Variants in ZDHHC14 observed in about 807,000 individuals in gnomAD.
The protein encoded by ZDHHC14 is palmitoyltransferase ZDHHC14.
In ZDHHC14, 16 loss-of-function variants were observed where a neutral mutation model predicts 47.7. The ratio of observed to expected loss-of-function variants is 0.34; its 90% CI spans 0.23 to 0.51. ZDHHC14 has a LOEUF of 0.51. ZDHHC14 is among the 20% of genes least tolerant of loss of function. ZDHHC14 has a pLI of 0.97. For synonymous variants in ZDHHC14, 293 were observed against 278.9 expected, an observed-to-expected ratio of 1.05 and a Z score of -0.50; for missense variants, 515 against 662.5, an observed-to-expected ratio of 0.78 and a Z score of 2.44.
At chr6:157,654,969 A>G (rs1778019438) in intron 8 of ZDHHC14, among the ~76,000 whole-genome samples, 1 of 152,112 alleles carries the variant, frequency 6.6e-6, no homozygotes, top group African/African-American at 2.4e-5. Context: ...TCCTGACCTC[A>G]GGTGATCCAC....
At chr6:157,518,460 G>A (rs1780782168) in intron 1 of ZDHHC14, among the ~76,000 whole-genome samples, 1 of 152,166 alleles carries the variant, frequency 6.6e-6, no homozygotes, top group African/African-American at 2.4e-5. Flanking sequence ...CAGAGTCAGT[G>A]TGTGGTGGAA....
intron 1 of ZDHHC14, among the ~76,000 whole-genome samples, chr6:157,449,805 A>G (rs1778761035): frequency 1.3e-5 from 2 of 152,208 alleles, no homozygotes; most frequent in Admixed American, 1.3e-4. Flanking sequence ...ATGCAGAGTT[A>G]GTAACCTCAG....
intron 3 of ZDHHC14, among the ~76,000 whole-genome samples, chr6:157,603,726 G>T (rs1312894157): frequency 6.6e-6 from 1 of 152,196 alleles, no homozygotes; most frequent in Non-Finnish European, 1.5e-5. Context: ...CCGGGCGTTG[G>T]TTCAGGTTCA....
Position 157,387,452 on chromosome 6 carries a change from A to C in ZDHHC14, c.245+5186A>C, listed in dbSNP as rs570566736. ...CCCCTGGCCATGCAGAACTGCATCA[A>C]CCTCTCCACCATCTCAGAAAATATC... On this transcript the variant is annotated intron_variant, in intron 1 of 8. Transcript: ENST00000359775. Among the ~76,000 whole-genome samples the C allele has an allele frequency of 1.8e-4, 28 of 152,266 alleles. No homozygotes were observed. The East Asian group carries it at 5.0e-3, about 27-fold the overall frequency.
intron 1 of ZDHHC14, among the ~76,000 whole-genome samples, chr6:157,511,911 C>G (rs1780502639): frequency 6.6e-6 from 1 of 152,042 alleles, no homozygotes; most frequent in Non-Finnish European, 1.5e-5. Flanking sequence ...TGATATTGAT[C>G]ACACTCACGA....
intron 1 of ZDHHC14, among the ~76,000 whole-genome samples, chr6:157,514,243 G>A (rs139776168): frequency 1.3e-3 from 192 of 152,302 alleles, no homozygotes; most frequent in Middle Eastern, 3.4e-3. Context: ...GCAGAGTTAC[G>A]TGTAAACAAC....
intron 1 of ZDHHC14, among the ~76,000 whole-genome samples, chr6:157,447,152 C>CATTTGTAA (rs1407407708): frequency 6.6e-6 from 1 of 152,140 alleles, no homozygotes; most frequent in Non-Finnish European, 1.5e-5. Context: ...AAGATATGCA[C>CATTTGTAA]ATTTGTAAAT....
intron 7 of ZDHHC14, among the ~76,000 whole-genome samples, chr6:157,648,890 T>C (rs1292179788): frequency 2.6e-5 from 4 of 152,178 alleles, no homozygotes; most frequent in African/African-American, 9.7e-5. Context: ...CTGGCCTCTT[T>C]CCCCCACCTG....
chr6:157,517,866 GT>G (rs1780756130), intron 1 of ZDHHC14, among the ~76,000 whole-genome samples: 1 of 152,190 alleles, frequency 6.6e-6, no homozygotes. Context: ...ACAGAGGAGG[GT>G]TTTTAAAAGT....
chr6:157,656,757 T>G (rs559630120), intron 8 of ZDHHC14, among the ~76,000 whole-genome samples: 119 of 149,400 alleles, frequency 8.0e-4, no homozygotes, highest in Admixed American at 1.5e-3. Context: ...CCTCCTGTTC[T>G]CTGCTGTGAC....
intron 1 of ZDHHC14, among the ~76,000 whole-genome samples, chr6:157,398,095 G>A (rs980397854): frequency 7.4e-6 from 1 of 134,668 alleles, no homozygotes; most frequent in African/African-American, 2.8e-5. Context: ...GCCCCCCCCG[G>A]CTCCCCAGAT....
At chr6:157,595,296 A>G (rs370382062) in intron 3 of ZDHHC14, among the ~76,000 whole-genome samples, 1 of 144,504 alleles carries the variant, frequency 6.9e-6, no homozygotes, top group African/African-American at 2.6e-5. Context: ...GGATTCAAAC[A>G]ATTCTCCTGC....
chr6:157,482,541 A>AC (rs1779658061), intron 1 of ZDHHC14, among the ~76,000 whole-genome samples: 1 of 151,966 alleles, frequency 6.6e-6, no homozygotes. Flanking sequence ...GGCATGAGCC[A>AC]CCACGCCTGG....
intron 3 of ZDHHC14, among the ~76,000 whole-genome samples, chr6:157,625,057 T>A (rs1368853873): frequency 1.3e-5 from 2 of 152,080 alleles, no homozygotes; most frequent in East Asian, 3.9e-4. Flanking sequence ...AATAACAGCA[T>A]TAATCCTAAG....
intron 1 of ZDHHC14, among the ~76,000 whole-genome samples, chr6:157,500,382 T>G (rs1780167286): frequency 6.6e-6 from 1 of 151,958 alleles, no homozygotes; most frequent in Non-Finnish European, 1.5e-5. Flanking sequence ...GTGGGGACAT[T>G]AGGTTTTGTT....
At chr6:157,383,765 C>T (rs537287959) in intron 1 of ZDHHC14, among the ~76,000 whole-genome samples, 4 of 152,278 alleles carry the variant, frequency 2.6e-5, no homozygotes, top group Non-Finnish European at 4.4e-5. Context: ...CTGTTTGACA[C>T]TAGTAGGTAG....
At chr6:157,456,088 C>T (rs1189751142) in intron 1 of ZDHHC14, among the ~76,000 whole-genome samples, 1 of 152,138 alleles carries the variant, frequency 6.6e-6, no homozygotes, top group East Asian at 1.9e-4. Context: ...TTGCGCCCTC[C>T]GTTATGAAAA....
intron 1 of ZDHHC14, among the ~76,000 whole-genome samples, chr6:157,540,620 G>A (rs749171426): frequency 2.6e-5 from 4 of 152,076 alleles, no homozygotes; most frequent in East Asian, 1.9e-4. Context: ...CTGTGCCCTC[G>A]CTGAAACTGG....
At chr6:157,563,800 G>T (rs1034638871) in intron 2 of ZDHHC14, among the ~76,000 whole-genome samples, 11 of 152,214 alleles carry the variant, frequency 7.2e-5, no homozygotes, top group African/African-American at 2.2e-4. Context: ...GTGGGGCTGC[G>T]GTGAGTGAGG....
Sources: allele counts gnomAD v4.1 joint callset (sites outside exome capture counted in the v4.1 genomes callset), GRCh38; gene constraint gnomAD v4.1.1; transcripts MANE v1.5; gene names NCBI Gene and HGNC (gene_info 2026-07-23, HGNC 2026-07-21).